Variants in DIAPH3 observed in about 807,000 individuals in gnomAD.
DIAPH3 encodes the protein protein diaphanous homolog 3.
Under a neutral mutation model 144.3 loss-of-function variants are expected in DIAPH3, and 117 were observed. The ratio of observed to expected loss-of-function variants is 0.81; its 90% CI spans 0.70 to 0.95. The LOEUF (loss-of-function observed/expected upper bound fraction) is 0.95. DIAPH3 is among the 40% of genes least tolerant of loss of function. The pLI, the probability that DIAPH3 is intolerant of heterozygous loss-of-function variation, is 0.00. For synonymous variants in DIAPH3, 519 were observed against 488.9 expected (o/e 1.06, Z -0.81); for missense variants, 1,421 against 1,412.7 (o/e 1.01, Z -0.09).
chr13:59,913,091 C>T (rs1007181428), intron 19 of DIAPH3, among the ~76,000 whole-genome samples: 1 of 152,084 alleles, frequency 6.6e-6, no homozygotes, highest in African/African-American at 2.4e-5. Context: ...TATTTTTACC[C>T]ATTCTAGTTG....
intron 24 of DIAPH3, chr13:59,832,884 C>G (rs2041848665): frequency 4.3e-6 from 2 of 470,270 alleles, no homozygotes; most frequent in African/African-American, 1.9e-5. Flanking sequence ...CAGAATTTGT[C>G]ACTTTTTCAA....
chr13:59,945,548 C>A (rs2048753852), intron 17 of DIAPH3, among the ~76,000 whole-genome samples: 1 of 151,910 alleles, frequency 6.6e-6, no homozygotes, highest in Non-Finnish European at 1.5e-5. Flanking sequence ...TAGCTGCAAT[C>A]CTAGGCATAG....
At chr13:60,154,647 T>G (rs565255186) in intron 1 of DIAPH3, among the ~76,000 whole-genome samples, 1 of 152,296 alleles carries the variant, frequency 6.6e-6, no homozygotes, top group South Asian at 2.1e-4. Flanking sequence ...GAAAAATTAC[T>G]CCCAATGGTA....
chr13:60,127,556 T>C (rs2059021600), intron 2 of DIAPH3, among the ~76,000 whole-genome samples: 1 of 151,970 alleles, frequency 6.6e-6, no homozygotes, highest in Admixed American at 6.6e-5. Flanking sequence ...ACTGTACTAA[T>C]AATAGCCGAA....
chr13:60,119,158 T>C (rs1216192962), intron 2 of DIAPH3, among the ~76,000 whole-genome samples: 1 of 152,132 alleles, frequency 6.6e-6, no homozygotes, highest in Non-Finnish European at 1.5e-5. Flanking sequence ...TCATAAAAGA[T>C]TTTACAGCTT....
intron 20 of DIAPH3, among the ~76,000 whole-genome samples, chr13:59,885,415 C>T (rs148574437): frequency 3.5e-5 from 4 of 115,042 alleles, no homozygotes; most frequent in African/African-American, 6.7e-5. Flanking sequence ...TGAAACTATA[C>T]GGTAAACAGT....
chr13:59,999,909 C>A (rs1352859370), intron 9 of DIAPH3, among the ~76,000 whole-genome samples: 1 of 152,138 alleles, frequency 6.6e-6, no homozygotes, highest in Non-Finnish European at 1.5e-5. Context: ...TTTCACAATG[C>A]AAGTTTCAAC....
chr13:60,098,603 GAATA>G (rs909903068), intron 3 of DIAPH3, among the ~76,000 whole-genome samples: 33 of 151,462 alleles, frequency 2.2e-4, no homozygotes, highest in Non-Finnish European at 4.0e-4. Flanking sequence ...AAATTGAACA[GAATA>G]AATTGAACAG....
chr13:59,863,781 C>G (rs1436648627), intron 21 of DIAPH3, among the ~76,000 whole-genome samples: 1 of 152,100 alleles, frequency 6.6e-6, no homozygotes, highest in Non-Finnish European at 1.5e-5. Context: ...CAACATAGAG[C>G]TGAGTGTTTT....
chr13:60,144,275 T>C (rs1357250513), intron 1 of DIAPH3, among the ~76,000 whole-genome samples: 2 of 152,140 alleles, frequency 1.3e-5, no homozygotes, highest in South Asian at 2.1e-4. Flanking sequence ...GAGCCTGCCA[T>C]GGATAATTTT....
chr13:59,983,542 G>A (rs1384185108), intron 13 of DIAPH3, among the ~76,000 whole-genome samples: 2 of 151,522 alleles, frequency 1.3e-5, no homozygotes, highest in African/African-American at 4.8e-5. Flanking sequence ...CCACTGCCTT[G>A]ATTCATAACA....
intron 24 of DIAPH3, among the ~76,000 whole-genome samples, chr13:59,812,647 C>G (rs2040547075): frequency 6.6e-6 from 1 of 152,064 alleles, no homozygotes. Context: ...AAGTGATGAT[C>G]TAGAACACAT....
intron 25 of DIAPH3, among the ~76,000 whole-genome samples, chr13:59,802,580 C>A (rs1356740152): frequency 3.6e-5 from 4 of 111,542 alleles, no homozygotes; most frequent in African/African-American, 6.5e-5. Context: ...TTTTTTTTTA[C>A]TTCATGGTTT....
intron 4 of DIAPH3, among the ~76,000 whole-genome samples, chr13:60,082,300 A>C (rs962927127): frequency 6.6e-6 from 1 of 151,776 alleles, no homozygotes; most frequent in Non-Finnish European, 1.5e-5. Context: ...ATTTGGGAGA[A>C]GACGGCATAT....
chr13:60,157,777 T>C (rs994923098), intron 1 of DIAPH3, among the ~76,000 whole-genome samples: 2 of 152,234 alleles, frequency 1.3e-5, no homozygotes, highest in Admixed American at 1.3e-4. Context: ...TTGGCTGAAC[T>C]CTCAAACTGC....
chr13:59,984,037 G>T, intron 12 of DIAPH3, 150 bp from the exon 13 acceptor site: 1 of 623,500 alleles, frequency 1.6e-6, no homozygotes, highest in Non-Finnish European at 2.9e-6. Context: ...ACCTGGGAGT[G>T]AGAGTAAATA....
chr13:59,941,352 A>C (rs1297154968), intron 17 of DIAPH3, among the ~76,000 whole-genome samples: 2 of 152,198 alleles, frequency 1.3e-5, no homozygotes, highest in Admixed American at 1.3e-4. Context: ...GGGGATCAGA[A>C]GGACAAGATC....
intron 27 of DIAPH3, among the ~76,000 whole-genome samples, chr13:59,729,809 TA>T (rs200976519): frequency 5.6e-4 from 11 of 19,554 alleles, no homozygotes; most frequent in Non-Finnish European, 9.0e-4. Context: ...AATACATTAA[TA>T]TTTTTTTTTT....
chr13:60,101,696 A>C (rs1410345773), intron 3 of DIAPH3, among the ~76,000 whole-genome samples: 1 of 152,142 alleles, frequency 6.6e-6, no homozygotes, highest in Non-Finnish European at 1.5e-5. Context: ...CCTCAGCTAC[A>C]GTCCTAATGA....
Sources: gnomAD v4.1 joint callset for allele counts (sites outside exome capture counted in the v4.1 genomes callset) on GRCh38, gnomAD v4.1.1 for gene constraint, MANE v1.5 for transcripts, NCBI Gene and HGNC (gene_info 2026-07-23, HGNC 2026-07-21) for gene names.